FRAS1: variants seen among roughly 807,000 people sequenced by gnomAD.
FRAS1 encodes the protein extracellular matrix organizing protein FRAS1.
Under a neutral mutation model 435.2 loss-of-function variants are expected in FRAS1, and 290 were observed. That is an observed-to-expected ratio of 0.67 (90% CI 0.61 to 0.73). FRAS1 has a LOEUF of 0.73. Among genes scored for constraint, FRAS1 ranks in the 30% least tolerant of loss-of-function variants. FRAS1 has a pLI of 0.00. For synonymous variants in FRAS1, 1,800 were observed against 1,851.0 expected (o/e 0.97, Z 0.71); for missense variants, 4,860 against 5,001.5 (o/e 0.97, Z 0.85).
At chr4:78,184,530 C>A (rs1378542470) in intron 2 of FRAS1, among the ~76,000 whole-genome samples, 1 of 152,206 alleles carries the variant, frequency 6.6e-6, no homozygotes, top group African/African-American at 2.4e-5. Context: ...AGACCTTGAT[C>A]TATAATATGT....
chr4:78,083,350 T>A (rs1358691210), intron 2 of FRAS1, among the ~76,000 whole-genome samples: 1 of 152,134 alleles, frequency 6.6e-6, no homozygotes. Flanking sequence ...CAAAAACAGA[T>A]CTGGGAAAGA....
chr4:78,333,460 C>G (rs374394638), intron 19 of FRAS1, 48 bp downstream of exon 19: 5 of 1,573,342 alleles, frequency 3.2e-6, no homozygotes, highest in Non-Finnish European at 3.5e-6. Context: ...CATGTTTTGT[C>G]TTCAGAGCAT....
At chr4:78,138,484 TGGA>T (rs1235595189) in intron 2 of FRAS1, among the ~76,000 whole-genome samples, 1 of 152,188 alleles carries the variant, frequency 6.6e-6, no homozygotes, top group Admixed American at 6.5e-5. Context: ...GAAATATATC[TGGA>T]GGGTTATGCA....
chr4:78,328,091 T>A (rs1729789479), intron 18 of FRAS1, among the ~76,000 whole-genome samples: 2 of 152,344 alleles, frequency 1.3e-5, no homozygotes, highest in Non-Finnish European at 2.9e-5. Flanking sequence ...TAAAATCTAG[T>A]GGATGCAAAG....
intron 2 of FRAS1, chr4:78,070,637 A>G (rs1051354462): frequency 1.3e-5 from 2 of 152,214 alleles, no homozygotes; most frequent in African/African-American, 4.8e-5. Flanking sequence ...TCAGAGGGAA[A>G]CTACCTAGGT....
chr4:78,380,028 C>G (rs1560692916), intron 27 of FRAS1, 32 bp downstream of exon 27: 4 of 1,600,464 alleles, frequency 2.5e-6, no homozygotes, highest in Non-Finnish European at 3.4e-6. Context: ...TTCTTCCTGC[C>G]TCCTTTCCAT....
intron 2 of FRAS1, among the ~76,000 whole-genome samples, chr4:78,092,997 T>G (rs758544062): frequency 6.6e-5 from 10 of 152,354 alleles, no homozygotes; most frequent in East Asian, 3.9e-4. Flanking sequence ...CAGCAGGCTT[T>G]AACCTTTCCT....
At chr4:78,503,553 G>A (rs60805155) in intron 61 of FRAS1, among the ~76,000 whole-genome samples, 21,936 of 152,018 alleles carry the variant, frequency 0.14, 1,899 homozygotes, top group Non-Finnish European at 0.21. Context: ...TGGGATCGGT[G>A]GTGAGATCCC....
chr4:78,513,310 A>G (rs1721097613), intron 64 of FRAS1, 82 bp from the exon 65 acceptor site: 1 of 1,409,076 alleles, frequency 7.1e-7, no homozygotes, highest in African/African-American at 1.4e-5. Flanking sequence ...GTGAAGACAA[A>G]TTAGGTGATG....
At chr4:78,188,473 A>G (rs1722382851) in intron 2 of FRAS1, among the ~76,000 whole-genome samples, 1 of 152,212 alleles carries the variant, frequency 6.6e-6, no homozygotes, top group South Asian at 2.1e-4. Context: ...TGGACCTTGC[A>G]GTCCACAGGT....
chr4:78,335,993 T>G (rs1243245045), intron 19 of FRAS1, among the ~76,000 whole-genome samples: 1 of 151,768 alleles, frequency 6.6e-6, no homozygotes, highest in Non-Finnish European at 1.5e-5. Flanking sequence ...TGGGGCCTGC[T>G]GATAGGAAAA....
chr4:78,165,092 C>T (rs755538015), intron 2 of FRAS1, among the ~76,000 whole-genome samples: 6 of 152,216 alleles, frequency 3.9e-5, no homozygotes, highest in South Asian at 2.1e-4. Flanking sequence ...AATTCAGTCC[C>T]GCACTTTTTT....
At chr4:78,202,109 A>G (rs1298786408) in intron 2 of FRAS1, among the ~76,000 whole-genome samples, 2 of 152,200 alleles carry the variant, frequency 1.3e-5, no homozygotes, top group Non-Finnish European at 2.9e-5. Context: ...ATTACTGTGC[A>G]CAGGACAGCC....
At chr4:78,136,013 C>A (rs7661987) in intron 2 of FRAS1, among the ~76,000 whole-genome samples, 7,036 of 152,246 alleles carry the variant, frequency 0.046, 252 homozygotes, top group African/African-American at 0.092. Flanking sequence ...CTTTAAGACA[C>A]CTTACTTAAT....
intron 3 of FRAS1, among the ~76,000 whole-genome samples, chr4:78,242,175 C>T (rs906979606): frequency 1.3e-5 from 2 of 152,146 alleles, no homozygotes; most frequent in Non-Finnish European, 2.9e-5. Flanking sequence ...CTTTAGAAAT[C>T]ACTTAGTCAG....
At chr4:78,251,387 G>A (rs901392164) in intron 4 of FRAS1, among the ~76,000 whole-genome samples, 6 of 152,202 alleles carry the variant, frequency 3.9e-5, no homozygotes, top group African/African-American at 1.4e-4. Context: ...ATTTTAAGAT[G>A]TTTAATTGAC....
At chr4:78,289,999 A>G (rs2110192242) in intron 14 of FRAS1, among the ~76,000 whole-genome samples, 1 of 152,296 alleles carries the variant, frequency 6.6e-6, no homozygotes, top group Admixed American at 6.5e-5. Flanking sequence ...CCAGGTCCTG[A>G]GAACATTCTT....
intron 14 of FRAS1, among the ~76,000 whole-genome samples, chr4:78,307,023 T>C (rs1728763494): frequency 6.6e-6 from 1 of 152,220 alleles, no homozygotes; most frequent in African/African-American, 2.4e-5. Context: ...TTGATGATGG[T>C]GATGAACAGA....
intron 2 of FRAS1, among the ~76,000 whole-genome samples, chr4:78,124,149 T>C (rs1004879246): frequency 1.2e-4 from 19 of 152,202 alleles, no homozygotes; most frequent in African/African-American, 3.9e-4. Context: ...ATACATTCCA[T>C]TGATATTAGT....
Sources: gnomAD v4.1 joint callset for allele counts (sites outside exome capture counted in the v4.1 genomes callset) on GRCh38, gnomAD v4.1.1 for gene constraint, MANE v1.5 for transcripts, NCBI Gene and HGNC (gene_info 2026-07-23, HGNC 2026-07-21) for gene names.